Variants in LRP1B observed in about 807,000 individuals in gnomAD.
The protein encoded by LRP1B is LDL receptor related protein 1B.
A neutral mutation model predicts 556.6 loss-of-function variants in LRP1B; 217 were observed. The ratio of observed to expected loss-of-function variants is 0.39; its 90% CI spans 0.35 to 0.44. The LOEUF (loss-of-function observed/expected upper bound fraction) is 0.44, where lower values mean the gene tolerates loss of function less well. Among genes scored for constraint, LRP1B ranks in the 20% least tolerant of loss-of-function variants. The pLI is 1.00. For missense variants in LRP1B, 5,053 were observed against 5,620.8 expected, an observed-to-expected ratio of 0.90 and a Z score of 3.23; for synonymous variants, 2,047 against 1,865.8, an observed-to-expected ratio of 1.10 and a Z score of -2.50.
chr2:141,826,783 G>T (rs1025330181), intron 1 of LRP1B, among the ~76,000 whole-genome samples: 4 of 152,144 alleles, frequency 2.6e-5, no homozygotes, highest in East Asian at 1.9e-4. Context: ...TTTTTCAAAA[G>T]AATTTATTTA....
intron 2 of LRP1B, among the ~76,000 whole-genome samples, chr2:141,635,395 G>T (rs973316297): frequency 6.6e-6 from 1 of 151,768 alleles, no homozygotes; most frequent in East Asian, 1.9e-4. Flanking sequence ...TATGTTAATT[G>T]GGAGTGAGAG....
chr2:140,328,031 A>G (rs1680586518), intron 79 of LRP1B, among the ~76,000 whole-genome samples: 1 of 152,064 alleles, frequency 6.6e-6, no homozygotes, highest in Non-Finnish European at 1.5e-5. Context: ...TTTTCCTGTT[A>G]CAGAGATGAG....
intron 1 of LRP1B, among the ~76,000 whole-genome samples, chr2:141,945,156 C>G (rs759803365): frequency 6.6e-6 from 1 of 152,070 alleles, no homozygotes; most frequent in Non-Finnish European, 1.5e-5. Flanking sequence ...TAATATTTTC[C>G]TTCCTGATTA....
rs138581792 is a variant in LRP1B, at chr2:141,413,134, G to A, written c.343+67262C>T. Among the ~76,000 whole-genome samples, 495 of 152,150 alleles carry A rather than the reference G, an allele frequency of 3.3e-3. 24 individuals carry two copies. The East Asian group carries it at 0.075, about 23-fold the overall frequency. On this transcript the variant is annotated intron_variant, in intron 3 of 90. Transcript: ENST00000389484. ...ACTAGCTACTTGGGAGGCTGAGACC[G>A]GAGGATTGCTTGAGCCCGGGAGTTC...
intron 17 of LRP1B, among the ~76,000 whole-genome samples, chr2:140,987,663 A>G (rs1238779701): frequency 1.3e-5 from 2 of 152,134 alleles, no homozygotes; most frequent in Non-Finnish European, 2.9e-5. Context: ...ATAAAGCATA[A>G]TCTGTGAATT....
intron 1 of LRP1B, among the ~76,000 whole-genome samples, chr2:142,004,896 G>T (rs1702756321): frequency 6.6e-6 from 1 of 151,808 alleles, no homozygotes; most frequent in East Asian, 1.9e-4. Flanking sequence ...AAGTTTTCTT[G>T]TAGAATATGC....
At chr2:140,783,681 G>A (rs532801393) in intron 32 of LRP1B, among the ~76,000 whole-genome samples, 22 of 152,202 alleles carry the variant, frequency 1.4e-4, no homozygotes, top group African/African-American at 5.3e-4. Context: ...GAAATTGTGG[G>A]CCTTAAAATG....
chr2:141,858,228 C>T (rs141447559), intron 1 of LRP1B, among the ~76,000 whole-genome samples: 1 of 152,184 alleles, frequency 6.6e-6, no homozygotes, highest in Non-Finnish European at 1.5e-5. Context: ...CCATTTACTC[C>T]CATATTCATG....
At chr2:141,096,636 G>T (rs1558858189) in intron 7 of LRP1B, among the ~76,000 whole-genome samples, 1 of 58,686 alleles carries the variant, frequency 1.7e-5, no homozygotes, top group Non-Finnish European at 3.7e-5. Context: ...GGGGGAGAGA[G>T]AGAGAGAGAG....
At chr2:141,365,656 T>TTTTTTTTTTTTTTTGG (rs1491383019) in intron 3 of LRP1B, among the ~76,000 whole-genome samples, 15 of 72,948 alleles carry the variant, frequency 2.1e-4, no homozygotes, top group Non-Finnish European at 2.9e-4. Flanking sequence ...TTTTTGTTGC[T>TTTTTTTTTTTTTTTGG]TTTTTTTTTT....
At chr2:141,045,826 A>G (rs192330756) in intron 11 of LRP1B, among the ~76,000 whole-genome samples, 16 of 152,292 alleles carry the variant, frequency 1.1e-4, no homozygotes, top group Admixed American at 2.0e-4. Flanking sequence ...TATGAATTTT[A>G]CAAAAATTTT....
intron 79 of LRP1B, among the ~76,000 whole-genome samples, chr2:140,330,737 T>C (rs925435300): frequency 8.5e-5 from 13 of 152,110 alleles, no homozygotes; most frequent in African/African-American, 3.1e-4. Context: ...CTAGTTTAAC[T>C]AAAGTGCTTC....
At chr2:140,896,444 C>T (rs777509979) in intron 23 of LRP1B, among the ~76,000 whole-genome samples, 7 of 151,762 alleles carry the variant, frequency 4.6e-5, no homozygotes, top group African/African-American at 7.3e-5. Flanking sequence ...GAGAGAACTA[C>T]GGAGGAAAAC....
intron 3 of LRP1B, among the ~76,000 whole-genome samples, chr2:141,316,251 A>G (rs944535550): frequency 3.9e-5 from 6 of 152,114 alleles, no homozygotes; most frequent in Admixed American, 2.0e-4. Flanking sequence ...CAGTACTAGC[A>G]ATACATTTGT....
At chr2:140,610,217 C>T (rs1350704677) in intron 41 of LRP1B, among the ~76,000 whole-genome samples, 1 of 152,032 alleles carries the variant, frequency 6.6e-6, no homozygotes, top group Non-Finnish European at 1.5e-5. Flanking sequence ...CCTGTCTCAC[C>T]CTACTGGAAT....
At chr2:141,882,255 T>C (rs2104896154) in intron 1 of LRP1B, among the ~76,000 whole-genome samples, 1 of 152,194 alleles carries the variant, frequency 6.6e-6, no homozygotes, top group East Asian at 1.9e-4. Context: ...AACCTAGTGG[T>C]AGATGATATT....
intron 1 of LRP1B, among the ~76,000 whole-genome samples, chr2:141,995,616 C>A (rs532024767): frequency 2.0e-4 from 31 of 152,286 alleles, no homozygotes; most frequent in African/African-American, 7.0e-4. Flanking sequence ...ACTCTGCCTA[C>A]ACTAGTCAGG....
intron 66 of LRP1B, among the ~76,000 whole-genome samples, chr2:140,428,398 C>A (rs1393700890): frequency 6.6e-6 from 1 of 152,176 alleles, no homozygotes; most frequent in East Asian, 1.9e-4. Flanking sequence ...AGGCCCGCCT[C>A]CCCCAGGAGC....
intron 3 of LRP1B, among the ~76,000 whole-genome samples, chr2:141,357,938 T>C (rs372129804): frequency 6.6e-6 from 1 of 152,210 alleles, no homozygotes; most frequent in Admixed American, 6.5e-5. Flanking sequence ...TGTCATTCTT[T>C]GCTAATTACA....
Sources: allele counts gnomAD v4.1 joint callset (sites outside exome capture counted in the v4.1 genomes callset), GRCh38; gene constraint gnomAD v4.1.1; transcripts MANE v1.5; gene names NCBI Gene and HGNC (gene_info 2026-07-23, HGNC 2026-07-21).